Variants in SCAP observed in about 807,000 individuals in gnomAD.
The protein encoded by SCAP is sterol regulatory element-binding protein cleavage-activating protein.
In SCAP, 65 loss-of-function variants were observed where a neutral mutation model predicts 123.6. The ratio of observed to expected loss-of-function variants is 0.53; its 90% CI spans 0.43 to 0.65. The LOEUF (loss-of-function observed/expected upper bound fraction) is 0.65, where lower values mean the gene tolerates loss of function less well. Ranked by LOEUF, SCAP falls within the 30% of genes least tolerant of loss-of-function variation. The probability of loss-of-function intolerance (pLI) is 0.00; values close to 1 mark genes in which losing one functional copy is unlikely to be tolerated. For missense variants in SCAP, 1,398 were observed against 1,712.5 expected, an observed-to-expected ratio of 0.82 and a Z score of 3.24; for synonymous variants, 740 against 726.3, an observed-to-expected ratio of 1.02 and a Z score of -0.30.
chr3:47,441,852 A>G (rs544816671), intron 2 of SCAP, among the ~76,000 whole-genome samples: 2 of 146,404 alleles, frequency 1.4e-5, no homozygotes, highest in African/African-American at 5.1e-5. Flanking sequence ...CCAGCAAGAA[A>G]CTCTCAGTGA....
Position 47,420,566 on chromosome 3 carries a change from C to T in SCAP, c.1551G>A (p.Gln517=), listed in dbSNP as rs778655767. ...VYFLARTRLA[Q]RLIMAGTVVW... is the part of the protein sequence containing the mutation. Reference sequence around the variant, plus strand: ...GGGTGGCAGGTACCATGATGAGGCGCTGTGCCAGGCGGGTGCGGGCCAGGA... The same window carrying T: ...GGGTGGCAGGTACCATGATGAGGCGTTGTGCCAGGCGGGTGCGGGCCAGGA... The change falls in exon 12 of 23, where the codon CAG becomes CAA. Residue 517 remains glutamine (Q), a synonymous_variant. Transcript: ENST00000265565. This position sits in a 1 kb window ranked among gnomAD's most constrained non-coding sequence, Gnocchi z 5.0. 1.2e-6 allele frequency: 2 copies of T among 1,603,534 alleles called. No homozygotes were observed. Among genetic ancestry groups the T allele is most frequent in the Admixed American group, 1.7e-5 (1 of 59,046 alleles).
At chr3:47,441,012 C>T (rs1195565604) in intron 2 of SCAP, among the ~76,000 whole-genome samples, 1 of 152,038 alleles carries the variant, frequency 6.6e-6, no homozygotes, top group Non-Finnish European at 1.5e-5. Flanking sequence ...AGTGATTCTC[C>T]TGCCTCAGCC....
In SCAP at chr3:47,418,456, C is replaced by T; in HGVS notation, c.2196G>A (p.Val732=). 6.3e-7 allele frequency: 1 copy of T among 1,597,328 alleles called. No individual in the cohort carries two copies. The highest frequency in any genetic ancestry group is 8.5e-7 in the Non-Finnish European group (1 of 1,174,488). ...GCTGCCCGTAGTTGCGCGGGCATAGCACGCGGTAGAGGCAGAGCAGCAGCA... is the reference window on the plus strand; with the variant it reads ...GCTGCCCGTAGTTGCGCGGGCATAGTACGCGGTAGAGGCAGAGCAGCAGCA... The part of the protein sequence containing the change: ...LVLLLLCLYR[V]LCPRNYGQLG... Residue 732 remains valine (V), a synonymous_variant, in exon 15 of 23, where the codon GTG becomes GTA. Transcript: ENST00000265565.
chr3:47,445,839 G>A (rs1289497005), intron 1 of SCAP, among the ~76,000 whole-genome samples: 3 of 151,470 alleles, frequency 2.0e-5, no homozygotes, highest in Non-Finnish European at 2.9e-5. Flanking sequence ...CCAAAGTGCT[G>A]GGATTACAGG....
intron 1 of SCAP, among the ~76,000 whole-genome samples, chr3:47,458,158 C>T (rs937625964): frequency 3.3e-5 from 5 of 151,936 alleles, no homozygotes; most frequent in Admixed American, 2.0e-4. Flanking sequence ...CGTGGCCAGG[C>T]GCAGTGGCTC....
In SCAP at chr3:47,414,530, C is replaced by T. The variant is rs748331800; in HGVS notation, c.3387+42G>A. On this transcript the variant is annotated intron_variant, in intron 21 of 22. Transcript: ENST00000265565. Reference sequence around the variant, plus strand: ...GCTCCCAGGAGTCAGCAAACATGGGCCACAGACTCTGTACCCCCTACCCCA... The same window carrying T: ...GCTCCCAGGAGTCAGCAAACATGGGTCACAGACTCTGTACCCCCTACCCCA... 3.1e-6 allele frequency: 5 copies of T among 1,607,756 alleles called. No individual in the cohort carries two copies. In the South Asian group the frequency reaches 5.5e-5, roughly 18 times the overall value.
intron 6 of SCAP, among the ~76,000 whole-genome samples, chr3:47,426,725 C>T (rs539682526): frequency 2.6e-5 from 4 of 152,172 alleles, no homozygotes; most frequent in African/African-American, 7.2e-5. Context: ...CGTGAGCCAC[C>T]GCGCCCGGCC....
At chr3:47,444,529 A>G (rs1232215197) in intron 1 of SCAP, among the ~76,000 whole-genome samples, 1 of 152,148 alleles carries the variant, frequency 6.6e-6, no homozygotes, top group Non-Finnish European at 1.5e-5. Context: ...GCTGGAGTGC[A>G]GTGGGCACTC....
chr3:47,432,111 G>C (rs181666655), intron 3 of SCAP, among the ~76,000 whole-genome samples: 16 of 152,116 alleles, frequency 1.1e-4, no homozygotes, highest in Admixed American at 3.3e-4. Context: ...AAGATCAGGA[G>C]ATCAAGACCA....
chr3:47,414,418 CATGGT>C, intron 21 of SCAP, 32 bp from the exon 22 acceptor site: 1 of 1,610,482 alleles, frequency 6.2e-7, no homozygotes, highest in Non-Finnish European at 8.5e-7. Flanking sequence ...GTGGGGTCAC[CATGGT>C]GTAATACCTC....
rs138870302 is a variant in SCAP at position 47,420,241 on chromosome 3, C to T, written c.1563+313G>A. Among the ~76,000 whole-genome samples, 22 of 152,330 alleles carry T rather than the reference C, an allele frequency of 1.4e-4. No homozygotes were observed. Among genetic ancestry groups the T allele is most frequent in the Non-Finnish European group, 2.9e-4 (20 of 68,026 alleles). The stretch of plus-strand genomic sequence containing the variant: ...AGCGGCCGATGAACCCGACCCAGGG[C>T]AATGTGGTGGCCACAAGTGGGTCCA... On this transcript the variant is annotated intron_variant, in intron 12 of 22. Transcript: ENST00000265565. This position sits in a 1 kb window ranked among gnomAD's most constrained non-coding sequence, Gnocchi z 5.0.
chr3:47,416,922 G>A (rs1014956303), intron 18 of SCAP, among the ~76,000 whole-genome samples, 200 bp downstream of exon 18: 18 of 151,640 alleles, frequency 1.2e-4, no homozygotes, highest in African/African-American at 2.9e-4. Context: ...CACCGCGCCC[G>A]GCCACCCCTA....
At position 47,414,810 on chromosome 3, in the gene SCAP, G is replaced by A. The variant is rs1260125288; in HGVS notation, c.3306+17C>T. ...TGCCGGGCCACTCCAGCACCCAAGA[G>A]ACAAGACAATACTCACTCTCAGTGT... is the stretch of plus-strand genomic sequence containing the variant. On this transcript the variant is annotated intron_variant, in intron 20 of 22. Transcript: ENST00000265565. The A allele has an allele frequency of 3.7e-6, 6 of 1,600,568 alleles. No homozygotes were observed. The highest frequency in any genetic ancestry group is 5.1e-6 in the Non-Finnish European group (6 of 1,173,510).
intron 1 of SCAP, among the ~76,000 whole-genome samples, chr3:47,459,611 A>G (rs1324804512): frequency 6.6e-6 from 1 of 152,146 alleles, no homozygotes. Context: ...TAAGGATTTC[A>G]AAAGGGGAGG....
At chr3:47,457,504 A>C (rs1707472243) in intron 1 of SCAP, among the ~76,000 whole-genome samples, 1 of 152,208 alleles carries the variant, frequency 6.6e-6, no homozygotes, top group East Asian at 1.9e-4. Context: ...GCAGAAAGTC[A>C]CTATAGGTCT....
rs77852723 is a variant in SCAP at position 47,443,462 on chromosome 3, C to A, written c.-98-371G>T. On this transcript the variant is annotated intron_variant, in intron 1 of 22. Coordinates refer to ENST00000265565, the MANE Select transcript of SCAP (RefSeq NM_012235.4). Reference sequence around the variant, plus strand: ...TCTGTCAAACAGGCATTCTTCCCCCCCCTCCTCTATGCACAAATCCCACTG... The same window carrying A: ...TCTGTCAAACAGGCATTCTTCCCCCACCTCCTCTATGCACAAATCCCACTG... Among the ~76,000 whole-genome samples the A allele has an allele frequency of 6.6e-4, 101 of 152,170 alleles. 1 individual carries two copies. The highest frequency in any genetic ancestry group is 2.3e-3 in the African/African-American group (96 of 41,500).
At chr3:47,473,425 C>G (rs1708145962) in intron 1 of SCAP, among the ~76,000 whole-genome samples, 1 of 152,144 alleles carries the variant, frequency 6.6e-6, no homozygotes. Context: ...AGTAAGGTAG[C>G]AAGTTCTAAC....
chr3:47,414,398 G>T lies in SCAP; in HGVS notation c.3388-12C>A. ...GCCAGCACCATGGTCTGGGGAAACA[G>T]GCCAGGGGAGTGGGGTCACCATGGT... On this transcript the variant is annotated splice_polypyrimidine_tract_variant and intron_variant, in intron 21 of 22. Transcript: ENST00000265565. 6 of 1,612,226 alleles carry T rather than the reference G, an allele frequency of 3.7e-6. No individual in the cohort carries two copies. The highest frequency in any genetic ancestry group is 5.1e-6 in the Non-Finnish European group (6 of 1,179,912).
chr3:47,432,331 A>C (rs1279466149), intron 3 of SCAP, among the ~76,000 whole-genome samples: 3 of 151,002 alleles, frequency 2.0e-5, no homozygotes. Flanking sequence ...AAAAAAAAAA[A>C]AGAAAAGAAA....
Sources: gnomAD v4.1 joint callset for allele counts (sites outside exome capture counted in the v4.1 genomes callset) on GRCh38, gnomAD v4.1.1 for gene constraint, Gnocchi (gnomAD v3.1) non-coding constraint, MANE v1.5 for transcripts, NCBI Gene and HGNC (gene_info 2026-07-23, HGNC 2026-07-21) for gene names.